The following SMAGP variants were observed in gnomAD, a reference collection of about 807,000 sequenced individuals.
The protein encoded by SMAGP is small cell transmembrane and glycosylated protein.
In SMAGP, 7 loss-of-function variants were observed where a neutral mutation model predicts 10.1. That is an observed-to-expected ratio of 0.70 (90% CI 0.40 to 1.31). The LOEUF is 1.31. Ranked by LOEUF, SMAGP falls within the 50% of genes most tolerant of loss-of-function variation. The probability of loss-of-function intolerance (pLI) is 0.01; values close to 1 mark genes in which losing one functional copy is unlikely to be tolerated. For missense variants in SMAGP, 113 were observed against 116.5 expected (o/e 0.97, Z 0.14); for synonymous variants, 49 against 47.2 (o/e 1.04, Z -0.16).
intron 2 of SMAGP, among the ~76,000 whole-genome samples, chr12:51,267,466 TC>T (rs58505496): frequency 0.024 from 3,301 of 136,222 alleles, 115 homozygotes; most frequent in African/African-American, 0.087. Flanking sequence ...GCTGACCTAT[TC>T]CCCCCCCCCA....
chr12:51,261,152 G>A (rs1393752769), intron 2 of SMAGP, among the ~76,000 whole-genome samples: 1 of 140,156 alleles, frequency 7.1e-6, no homozygotes, highest in Non-Finnish European at 1.5e-5. Flanking sequence ...CTGGAGTGCA[G>A]TGGCTCAATC....
chr12:51,253,933 T>G (rs952719967), intron 2 of SMAGP, among the ~76,000 whole-genome samples: 9 of 152,082 alleles, frequency 5.9e-5, no homozygotes, highest in Admixed American at 1.3e-4. Flanking sequence ...ACAAACATTG[T>G]ATGATTCCAC....
chr12:51,252,935 G>A (rs1944853217), intron 2 of SMAGP, among the ~76,000 whole-genome samples: 1 of 152,094 alleles, frequency 6.6e-6, no homozygotes. Context: ...ATCTAAAAGG[G>A]ACCAGATATG....
chr12:51,264,934 G>GAAAA (rs757470160), intron 2 of SMAGP, among the ~76,000 whole-genome samples: 1 of 68,616 alleles, frequency 1.5e-5, no homozygotes, highest in African/African-American at 4.9e-5. Context: ...TCCATCGCCA[G>GAAAA]AAAAAAAAAA....
chr12:51,250,500 G>GCT (rs1555166825), intron 2 of SMAGP, among the ~76,000 whole-genome samples: 1 of 88,016 alleles, frequency 1.1e-5, no homozygotes, highest in Admixed American at 1.1e-4. Context: ...TTGTTGTTGT[G>GCT]TTTTTTTTTT....
Position 51,261,422 on chromosome 12 carries a change from G to C in SMAGP, c.34+7823C>G, listed in dbSNP as rs1056013440. Among the ~76,000 whole-genome samples, 3 of 152,074 alleles carry C rather than the reference G, an allele frequency of 2.0e-5. No individual in the cohort carries two copies. In the South Asian group the frequency reaches 6.2e-4, roughly 32 times the overall value. On this transcript the variant is annotated intron_variant, in intron 2 of 3. Coordinates refer to ENST00000603798, the MANE Select transcript of SMAGP (RefSeq NM_001031628.2). ...GGTGTCACAATTTTGAAGTGAGCAG[G>C]CAAACCATGTCAGATAAGGAAAGCT...
At chr12:51,250,677 T>C (rs1441401609) in intron 2 of SMAGP, among the ~76,000 whole-genome samples, 2 of 152,104 alleles carry the variant, frequency 1.3e-5, no homozygotes, top group South Asian at 2.1e-4. Flanking sequence ...CCACCACACC[T>C]GGCAGTACCT....
chr12:51,267,368 C>T (rs1376885116), intron 2 of SMAGP, among the ~76,000 whole-genome samples: 1 of 152,038 alleles, frequency 6.6e-6, no homozygotes, highest in Non-Finnish European at 1.5e-5. Context: ...CTCTAAGATA[C>T]CTGCTGCGCC....
intron 2 of SMAGP, among the ~76,000 whole-genome samples, chr12:51,268,416 T>A (rs1592238895): frequency 6.6e-6 from 1 of 152,184 alleles, no homozygotes. Flanking sequence ...AGCAGGTTTT[T>A]AAAAAATGAT....
At chr12:51,262,082 T>A (rs1324132539) in intron 2 of SMAGP, among the ~76,000 whole-genome samples, 5 of 150,756 alleles carry the variant, frequency 3.3e-5, no homozygotes, top group South Asian at 4.2e-4. Flanking sequence ...CTCTGTGTAT[T>A]TTTTTTTAAG....
At chr12:51,250,204 CA>C (rs11289025) in intron 2 of SMAGP, among the ~76,000 whole-genome samples, 49,948 of 98,996 alleles carry the variant, frequency 0.5, 10,125 homozygotes, top group Middle Eastern at 0.62. Flanking sequence ...ACTCTGTCTA[CA>C]AAAAAAAAAA....
At chr12:51,267,771 G>GT (rs1465190093) in intron 2 of SMAGP, among the ~76,000 whole-genome samples, 1 of 152,024 alleles carries the variant, frequency 6.6e-6, no homozygotes, top group Non-Finnish European at 1.5e-5. Flanking sequence ...AATTACAGGC[G>GT]TGAGCCACCA....
At position 51,246,786 on chromosome 12, in the gene SMAGP, G is replaced by A; in HGVS notation, c.80C>T (p.Ser27Phe). Residue 27 changes from serine (S) to phenylalanine (F), a missense_variant, in exon 3 of 4, where the codon TCC becomes TTC. Ser to Phe is a radical substitution (Grantham distance 155). Coordinates refer to ENST00000603798, the MANE Select transcript of SMAGP (RefSeq NM_001031628.2). ...TPILQPTEAL[S>F]PEDGASTALI... The stretch of plus-strand genomic sequence containing the variant: ...TGCTGTGCTGGCTCCATCTTCTGGG[G>A]ACAGGGCCTCAGTGGGCTGTAAAAT... The A allele has an allele frequency of 1.9e-6, 3 of 1,586,648 alleles. No individual in the cohort carries two copies. Among genetic ancestry groups the A allele is most frequent in the Non-Finnish European group, 2.6e-6 (3 of 1,166,462 alleles).
At chr12:51,268,828 C>T (rs776757136) in intron 2 of SMAGP, among the ~76,000 whole-genome samples, 5 of 151,982 alleles carry the variant, frequency 3.3e-5, no homozygotes, top group Admixed American at 6.6e-5. Context: ...TCAGATGATC[C>T]GCCCACCTCG....
At chr12:51,268,586 T>TCCTTCCTCCTCCCTC (rs1555167778) in intron 2 of SMAGP, among the ~76,000 whole-genome samples, 5 of 138,010 alleles carry the variant, frequency 3.6e-5, no homozygotes, top group African/African-American at 1.3e-4. Context: ...TCCTTTCCTT[T>TCCTTCCTCCTCCCTC]CCTCCCTCCC....
chr12:51,257,969 T>C (rs139285116), intron 2 of SMAGP, among the ~76,000 whole-genome samples: 5 of 152,158 alleles, frequency 3.3e-5, no homozygotes, highest in South Asian at 2.1e-4. Context: ...GAGAGCAACA[T>C]AGTGAGACCT....
At chr12:51,265,388 A>G (rs112285534) in intron 2 of SMAGP, among the ~76,000 whole-genome samples, 53 of 152,216 alleles carry the variant, frequency 3.5e-4, no homozygotes, top group African/African-American at 1.2e-3. Flanking sequence ...AACAACTGAA[A>G]GCAGGGTCTC....
At chr12:51,267,470 C>T (rs952069394) in intron 2 of SMAGP, among the ~76,000 whole-genome samples, 1 of 146,692 alleles carries the variant, frequency 6.8e-6, no homozygotes, top group Non-Finnish European at 1.5e-5. Context: ...ACCTATTCCC[C>T]CCCCCCACTC....
Position 51,246,776 on chromosome 12 carries a change from A to G in SMAGP, c.90T>C (p.Asp30=). The change falls in exon 3 of 4, where the codon GAT becomes GAC. Residue 30 remains aspartate (D), a synonymous_variant. Transcript: ENST00000603798. ...LQPTEALSPE[D]GASTALIAVV... is the part of the protein sequence containing the mutation. ...CTGCAATGAGTGCTGTGCTGGCTCC[A>G]TCTTCTGGGGACAGGGCCTCAGTGG... 1 of 1,588,418 alleles carries G rather than the reference A, an allele frequency of 6.3e-7. No homozygotes were observed. Among genetic ancestry groups the G allele is most frequent in the Non-Finnish European group, 8.6e-7 (1 of 1,167,426 alleles).
Sources: allele counts gnomAD v4.1 joint callset (sites outside exome capture counted in the v4.1 genomes callset), GRCh38; gene constraint gnomAD v4.1.1; transcripts MANE v1.5; gene names NCBI Gene and HGNC (gene_info 2026-07-23, HGNC 2026-07-21).